FCHSD2: variants seen among roughly 807,000 people sequenced by gnomAD.
FCHSD2 encodes FCH and double SH3 domains 2.
A neutral mutation model predicts 108.1 loss-of-function variants in FCHSD2; 38 were observed. The ratio of observed to expected loss-of-function variants is 0.35; its 90% CI spans 0.27 to 0.46. The LOEUF (loss-of-function observed/expected upper bound fraction) is 0.46. FCHSD2 is among the 20% of genes least tolerant of loss of function. FCHSD2 has a pLI of 1.00. For missense variants in FCHSD2, 751 were observed against 897.8 expected (o/e 0.84, Z 2.09); for synonymous variants, 279 against 314.7 (o/e 0.89, Z 1.20).
rs1414291861 is a variant in FCHSD2, at chr11:73,142,318, T to C, written c.-441A>G. 1 of 150,300 alleles carries C rather than the reference T, an allele frequency of 6.7e-6. No individual in the cohort carries two copies. The highest frequency in any genetic ancestry group is 1.5e-5 in the Non-Finnish European group (1 of 67,510). The allele number at this position is 150,300 out of a possible 1,614,324, so 9.3% of individuals were successfully genotyped here. On this transcript the variant is annotated 5_prime_UTR_variant, in exon 1 of 20. Transcript: ENST00000409418. Reference sequence around the variant, plus strand: ...CCCACTCAGGCGGCCCGGCCCTCGCTGGGCCTAACGCCCCCGCCCGCCCGG... The same window carrying C: ...CCCACTCAGGCGGCCCGGCCCTCGCCGGGCCTAACGCCCCCGCCCGCCCGG...
intron 14 of FCHSD2, among the ~76,000 whole-genome samples, chr11:72,845,257 T>A (rs1051621721): frequency 6.6e-6 from 1 of 151,400 alleles, no homozygotes; most frequent in African/African-American, 2.4e-5. Context: ...CCTGTCTCTA[T>A]GAAAAATACA....
chr11:73,051,849 G>C lies in FCHSD2; in HGVS notation c.165+31846C>G, dbSNP rs78873590. On this transcript the variant is annotated intron_variant, in intron 3 of 19. Transcript: ENST00000409418. ...GGCTTTTTATATAATAGACCTTCAG[G>C]ATGCTAACACGGTATATAAACACAC... Among the ~76,000 whole-genome samples the C allele has an allele frequency of 5.6e-3, 817 of 145,718 alleles. 4 individuals carry two copies. Among genetic ancestry groups the C allele is most frequent in the South Asian group, 0.014 (65 of 4,626 alleles).
intron 5 of FCHSD2, among the ~76,000 whole-genome samples, chr11:72,993,898 A>G (rs1857470661): frequency 6.6e-6 from 1 of 152,222 alleles, no homozygotes; most frequent in Non-Finnish European, 1.5e-5. Flanking sequence ...CCTAAAACTT[A>G]AAGTATAATA....
intron 3 of FCHSD2, among the ~76,000 whole-genome samples, chr11:73,080,831 C>T (rs1445140724): frequency 6.6e-6 from 1 of 152,016 alleles, no homozygotes; most frequent in Non-Finnish European, 1.5e-5. Context: ...GTAATCCCAG[C>T]TACTCAGGAA....
At chr11:72,868,225 A>C (rs1451030272) in intron 12 of FCHSD2, among the ~76,000 whole-genome samples, 199 bp from the exon 13 acceptor site, 2 of 152,224 alleles carry the variant, frequency 1.3e-5, no homozygotes, top group Non-Finnish European at 2.9e-5. Flanking sequence ...GCAAGCCATT[A>C]TCCTCAGCAA....
intron 12 of FCHSD2, among the ~76,000 whole-genome samples, chr11:72,868,268 T>C (rs547066789): frequency 6.6e-6 from 1 of 152,282 alleles, no homozygotes; most frequent in South Asian, 2.1e-4. Context: ...AAACACTCCA[T>C]GTTCTCACTT....
intron 10 of FCHSD2, among the ~76,000 whole-genome samples, chr11:72,892,533 C>T (rs923339914): frequency 5.3e-5 from 8 of 152,116 alleles, no homozygotes; most frequent in African/African-American, 1.9e-4. Context: ...TGTTCCAATA[C>T]CACCTTCACT....
At chr11:73,011,043 T>A (rs1857851749) in intron 4 of FCHSD2, among the ~76,000 whole-genome samples, 1 of 152,126 alleles carries the variant, frequency 6.6e-6, no homozygotes, top group South Asian at 2.1e-4. Context: ...CAGCTGTGAT[T>A]GTAGTGGCAG....
chr11:72,921,705 AC>A, intron 9 of FCHSD2, 122 bp downstream of exon 9: 1 of 724,112 alleles, frequency 1.4e-6, no homozygotes. Flanking sequence ...GAATGCTGTT[AC>A]CAGGAAATTT....
chr11:72,864,799 A>G (rs900429284), intron 13 of FCHSD2, among the ~76,000 whole-genome samples: 2 of 152,216 alleles, frequency 1.3e-5, no homozygotes, highest in African/African-American at 4.8e-5. Flanking sequence ...TTTGAATAAG[A>G]GAAGCAGGAT....
chr11:72,898,883 C>T (rs1855472594), intron 10 of FCHSD2, among the ~76,000 whole-genome samples: 1 of 151,950 alleles, frequency 6.6e-6, no homozygotes, highest in Non-Finnish European at 1.5e-5. Flanking sequence ...GTGTGTGCTA[C>T]CATGCCCAGC....
At chr11:72,928,759 A>G (rs898000011) in intron 8 of FCHSD2, among the ~76,000 whole-genome samples, 10 of 152,236 alleles carry the variant, frequency 6.6e-5, no homozygotes, top group Admixed American at 4.6e-4. Context: ...TTTAGGGTAC[A>G]TGTGCACAAC....
chr11:72,902,166 C>A (rs377532751), intron 10 of FCHSD2, among the ~76,000 whole-genome samples: 8 of 152,104 alleles, frequency 5.3e-5, no homozygotes, highest in Non-Finnish European at 1.5e-5. Context: ...TGAGCCACAG[C>A]GCACGGCCTA....
intron 7 of FCHSD2, among the ~76,000 whole-genome samples, chr11:72,984,485 T>C (rs1857275147): frequency 1.3e-5 from 2 of 152,226 alleles, no homozygotes; most frequent in African/African-American, 4.8e-5. Flanking sequence ...ATTTTGCCCA[T>C]TTATTCAAAT....
intron 2 of FCHSD2, among the ~76,000 whole-genome samples, chr11:73,121,016 T>G (rs1860721889): frequency 6.6e-6 from 1 of 152,158 alleles, no homozygotes; most frequent in East Asian, 1.9e-4. Context: ...AGAGAGCTAC[T>G]AGTTGCAGAG....
intron 8 of FCHSD2, among the ~76,000 whole-genome samples, chr11:72,924,669 T>C (rs1368291648): frequency 6.6e-6 from 1 of 151,294 alleles, no homozygotes; most frequent in Non-Finnish European, 1.5e-5. Flanking sequence ...TGTTTGGCTG[T>C]TCCATTAAAC....
chr11:73,068,684 T>A (rs1463583367), intron 3 of FCHSD2, among the ~76,000 whole-genome samples: 1 of 151,672 alleles, frequency 6.6e-6, no homozygotes, highest in Non-Finnish European at 1.5e-5. Flanking sequence ...TTATAAAGAC[T>A]TCAGGCCAGG....
At chr11:72,907,137 GCTCT>G (rs750282662) in intron 9 of FCHSD2, among the ~76,000 whole-genome samples, 59 of 152,084 alleles carry the variant, frequency 3.9e-4, no homozygotes, top group Non-Finnish European at 7.2e-4. Flanking sequence ...TCATTATTTG[GCTCT>G]CTATTACTGC....
Position 73,074,979 on chromosome 11 carries a change from A to T in FCHSD2, c.165+8716T>A, listed in dbSNP as rs114259149. Among the ~76,000 whole-genome samples the T allele has an allele frequency of 9.5e-3, 1,448 of 152,284 alleles. 26 individuals are homozygous for T. The highest frequency in any genetic ancestry group is 0.032 in the African/African-American group (1,324 of 41,548). ...AAGAAAGACCATAAATCAATAAGAG[A>T]AAAGCCAACAAGAGACTTTAACAGG... is the stretch of plus-strand genomic sequence containing the variant. On this transcript the variant is annotated intron_variant, in intron 3 of 19. Coordinates refer to ENST00000409418, the MANE Select transcript of FCHSD2 (RefSeq NM_014824.3).
Sources: gnomAD v4.1 joint callset for allele counts (sites outside exome capture counted in the v4.1 genomes callset) on GRCh38, gnomAD v4.1.1 for gene constraint, MANE v1.5 for transcripts, NCBI Gene and HGNC (gene_info 2026-07-23, HGNC 2026-07-21) for gene names.